The following IL1RAPL2 variants were observed in gnomAD, a reference collection of about 807,000 sequenced individuals.
IL1RAPL2 encodes the protein X-linked interleukin-1 receptor accessory protein-like 2.
IL1RAPL2 carries 3 observed loss-of-function variants against 44.1 expected under a neutral mutation model. The ratio of observed to expected loss-of-function variants is 0.07; its 90% confidence interval spans 0.03 to 0.18. The LOEUF (loss-of-function observed/expected upper bound fraction) is 0.18, where lower values mean the gene tolerates loss of function less well. Among genes scored for constraint, IL1RAPL2 ranks in the 10% least tolerant of loss-of-function variants. IL1RAPL2 has a pLI of 1.00. For missense variants in IL1RAPL2, 391 were observed against 496.4 expected (o/e 0.79, Z 2.02); for synonymous variants, 181 against 178.8 (o/e 1.01, Z -0.10).
intron 2 of IL1RAPL2, among the ~76,000 whole-genome samples, chrX:104,689,225 T>C (rs1931046120): frequency 8.9e-6 from 1 of 112,300 alleles, no homozygotes; most frequent in African/African-American, 3.2e-5. Flanking sequence ...CAAGCAGGAT[T>C]ACAAGTTCAA....
At chrX:104,876,062 A>G (rs1922892257) in intron 2 of IL1RAPL2, among the ~76,000 whole-genome samples, 1 of 111,363 alleles carries the variant, frequency 9.0e-6, no homozygotes, top group Non-Finnish European at 1.9e-5. Flanking sequence ...AGTGGGTTGA[A>G]TGATTTCTCT....
chrX:104,862,866 G>C (rs761653077), intron 2 of IL1RAPL2, among the ~76,000 whole-genome samples: 9 of 111,701 alleles, frequency 8.1e-5, no homozygotes. Context: ...TTAATGAAGA[G>C]ACAAGTTCAG....
intron 2 of IL1RAPL2, among the ~76,000 whole-genome samples, chrX:104,864,289 A>T (rs1231861623): frequency 8.9e-6 from 1 of 112,296 alleles, no homozygotes; most frequent in African/African-American, 3.2e-5. Flanking sequence ...GATAGTCCTT[A>T]TTTGGGAACA....
At chrX:104,854,501 T>C (rs1335198465) in intron 2 of IL1RAPL2, among the ~76,000 whole-genome samples, 1 of 111,809 alleles carries the variant, frequency 8.9e-6, no homozygotes, top group Non-Finnish European at 1.9e-5. Context: ...TTCAGAGAAA[T>C]GTTCTGCCTT....
At chrX:104,866,923 T>C (rs564036125) in intron 2 of IL1RAPL2, among the ~76,000 whole-genome samples, 2 of 111,146 alleles carry the variant, frequency 1.8e-5, no homozygotes, top group South Asian at 3.8e-4. Flanking sequence ...TCCTAGTATA[T>C]AGCAAAGATT....
intron 2 of IL1RAPL2, among the ~76,000 whole-genome samples, chrX:104,912,573 T>A (rs1003443194): frequency 4.5e-5 from 5 of 111,820 alleles, no homozygotes; most frequent in African/African-American, 1.6e-4. Context: ...CAATAGTGAC[T>A]GTTTCATTTC....
At chrX:105,638,662 T>C (rs1211756958) in intron 6 of IL1RAPL2, among the ~76,000 whole-genome samples, 2 of 112,496 alleles carry the variant, frequency 1.8e-5, no homozygotes, top group African/African-American at 3.2e-5. Flanking sequence ...ATTAAAATTC[T>C]AAGAAATTAA....
At chrX:105,331,990 TAGAC>T (rs1269755177) in intron 5 of IL1RAPL2, among the ~76,000 whole-genome samples, 3 of 109,275 alleles carry the variant, frequency 2.7e-5, no homozygotes, top group Non-Finnish European at 3.8e-5. Context: ...AATGGCAAGA[TAGAC>T]AGGCAGAAGA....
intron 2 of IL1RAPL2, among the ~76,000 whole-genome samples, chrX:104,740,582 C>T (rs1326749722): frequency 9.0e-6 from 1 of 110,634 alleles, no homozygotes; most frequent in Non-Finnish European, 1.9e-5. Context: ...TTCTATCTAC[C>T]TTTCCTTTTT....
intron 6 of IL1RAPL2, among the ~76,000 whole-genome samples, chrX:105,608,215 G>A (rs1462744397): frequency 1.8e-5 from 2 of 111,114 alleles, no homozygotes; most frequent in Non-Finnish European, 3.8e-5. Flanking sequence ...ATATTCATTA[G>A]GTGCAGATAT....
intron 2 of IL1RAPL2, among the ~76,000 whole-genome samples, chrX:104,770,702 C>T (rs1178933699): frequency 1.8e-5 from 2 of 111,980 alleles, no homozygotes; most frequent in Non-Finnish European, 3.8e-5. Flanking sequence ...GGACTGCATT[C>T]TGTTATAGAG....
intron 4 of IL1RAPL2, among the ~76,000 whole-genome samples, chrX:105,255,956 T>G (rs2147649792): frequency 8.9e-6 from 1 of 112,440 alleles, no homozygotes; most frequent in African/African-American, 3.2e-5. Flanking sequence ...GAATCACATT[T>G]ATTGATTTGC....
At chrX:105,405,071 G>T (rs1269535250) in intron 5 of IL1RAPL2, among the ~76,000 whole-genome samples, 2 of 111,358 alleles carry the variant, frequency 1.8e-5, no homozygotes, top group Non-Finnish European at 3.8e-5. Flanking sequence ...GTGATGTATG[G>T]TTCATGTAAG....
At chrX:105,568,959 C>G (rs2036994874) in intron 6 of IL1RAPL2, among the ~76,000 whole-genome samples, 1 of 111,632 alleles carries the variant, frequency 9.0e-6, no homozygotes, top group Non-Finnish European at 1.9e-5. Flanking sequence ...ACCAGAGATA[C>G]ACTGGCACCA....
chrX:104,717,383 AC>A (rs1426936391), intron 2 of IL1RAPL2, among the ~76,000 whole-genome samples: 1 of 106,912 alleles, frequency 9.4e-6, no homozygotes, highest in African/African-American at 3.4e-5. Flanking sequence ...CATTGACAGA[AC>A]CCCCATGACA....
chrX:105,406,472 C>T, intron 5 of IL1RAPL2: 1 of 1,198,468 alleles, frequency 8.3e-7, no homozygotes, highest in Non-Finnish European at 1.1e-6. Flanking sequence ...GGATCATTCA[C>T]CAATATCCCG....
intron 3 of IL1RAPL2, among the ~76,000 whole-genome samples, chrX:105,199,067 A>G (rs2033694437): frequency 9.0e-6 from 1 of 111,664 alleles, no homozygotes; most frequent in Admixed American, 9.5e-5. Flanking sequence ...AAGAAGAAAT[A>G]TCTACATAAA....
chrX:105,539,833 C>CA (rs1302894018), intron 6 of IL1RAPL2, among the ~76,000 whole-genome samples: 3 of 111,306 alleles, frequency 2.7e-5, no homozygotes, highest in East Asian at 2.8e-4. Context: ...AAGCAAAAAA[C>CA]AAAAAATCCC....
At chrX:105,715,251 A>C (rs1018976749) in intron 6 of IL1RAPL2, among the ~76,000 whole-genome samples, 1 of 112,279 alleles carries the variant, frequency 8.9e-6, no homozygotes, top group African/African-American at 3.2e-5. Context: ...TTTTTATCTT[A>C]TGTTGAAAGG....
Sources: allele counts gnomAD v4.1 joint callset (sites outside exome capture counted in the v4.1 genomes callset), GRCh38; gene constraint gnomAD v4.1.1; transcripts MANE v1.5; gene names NCBI Gene and HGNC (gene_info 2026-07-23, HGNC 2026-07-21).